The following INSL6 variants were observed in gnomAD, a reference collection of about 807,000 sequenced individuals.
The protein encoded by INSL6 is insulin-like peptide INSL6.
INSL6 carries 16 observed loss-of-function variants against 9.4 expected under a neutral mutation model. That is an observed-to-expected ratio of 1.70 (90% CI 1.15 to 2.59). The LOEUF is 2.59. Ranked by LOEUF, INSL6 falls within the 30% of genes most tolerant of loss-of-function variation. The pLI, the probability that INSL6 is intolerant of heterozygous loss-of-function variation, is 0.00. For missense variants in INSL6, 391 were observed against 257.3 expected (o/e 1.52, Z -3.56); for synonymous variants, 154 against 96.9 (o/e 1.59, Z -3.46).
the INSL6 span, chr9:5,073,625 G>A: frequency 9.2e-7 from 1 of 1,088,054 alleles, no homozygotes; most frequent in Admixed American, 1.8e-5. Flanking sequence ...CTTTATTATG[G>A]CAGAGAGAAT....
At chr9:5,104,526 T>C in the INSL6 span, among the ~76,000 whole-genome samples, 5 of 152,014 alleles carry the variant, frequency 3.3e-5, no homozygotes, top group Non-Finnish European at 7.4e-5. Context: ...TTCCAATCAA[T>C]GGAAAAAGAG....
the INSL6 span, among the ~76,000 whole-genome samples, chr9:5,056,052 C>T: frequency 6.6e-6 from 1 of 151,894 alleles, no homozygotes; most frequent in Non-Finnish European, 1.5e-5. Context: ...TTACTTTCTC[C>T]CCCATCCCTA....
At chr9:5,090,986 T>A in the INSL6 span, 2 of 1,114,768 alleles carry the variant, frequency 1.8e-6, no homozygotes, top group East Asian at 5.0e-5. Flanking sequence ...TTTAATAGTT[T>A]GCCATTTCTA....
At chr9:5,028,904 A>G in the INSL6 span, among the ~76,000 whole-genome samples, 1 of 152,160 alleles carries the variant, frequency 6.6e-6, no homozygotes, top group Non-Finnish European at 1.5e-5. Context: ...AGACCACTCA[A>G]ACTTTTGTCA....
downstream of INSL6, among the ~76,000 whole-genome samples, chr9:5,120,247 GCC>G (rs1187971727): frequency 6.6e-6 from 1 of 152,190 alleles, no homozygotes; most frequent in African/African-American, 2.4e-5. Flanking sequence ...TCTCATAAGG[GCC>G]TTAATCCTAT....
the INSL6 span, among the ~76,000 whole-genome samples, chr9:4,992,896 T>A: frequency 6.6e-6 from 1 of 152,186 alleles, no homozygotes; most frequent in Non-Finnish European, 1.5e-5. Context: ...TTCCTGGAAG[T>A]CATTCTTAAT....
chr9:5,050,544 T>G, the INSL6 span: 1 of 764,454 alleles, frequency 1.3e-6, no homozygotes, highest in Non-Finnish European at 2.0e-6. Context: ...GTTCTGGGAT[T>G]ACAGGCATGA....
intron 1 of INSL6, among the ~76,000 whole-genome samples, chr9:5,177,347 A>C (rs888333400): frequency 5.3e-5 from 8 of 152,194 alleles, no homozygotes; most frequent in Admixed American, 1.3e-4. Context: ...CCGGGAAATC[A>C]CATTTCTCCC....
At chr9:5,132,702 C>G (rs2130880305) in intron 3 of INSL6, 1 of 152,226 alleles carries the variant, frequency 6.6e-6, no homozygotes, top group East Asian at 1.9e-4. Flanking sequence ...AACTGATCTC[C>G]TAAGTATGTT....
downstream of INSL6, chr9:5,123,190 C>G: frequency 9.2e-7 from 1 of 1,082,058 alleles, no homozygotes; most frequent in Non-Finnish European, 1.4e-6. Context: ...TTATGGGGTA[C>G]AAGTACAATT....
chr9:5,069,134 G>C, the INSL6 span: 3 of 1,613,234 alleles, frequency 1.9e-6, no homozygotes, highest in Non-Finnish European at 2.5e-6. Context: ...CTTTTGAATT[G>C]TTACCAGATG....
downstream of INSL6, among the ~76,000 whole-genome samples, chr9:5,122,361 T>C (rs1169571306): frequency 6.6e-6 from 1 of 152,086 alleles, no homozygotes; most frequent in African/African-American, 2.4e-5. Context: ...TAGTCACCCC[T>C]CTTCTGGTTA....
At chr9:5,170,375 C>G (rs546467405) in intron 1 of INSL6, among the ~76,000 whole-genome samples, 1 of 152,006 alleles carries the variant, frequency 6.6e-6, no homozygotes, top group Non-Finnish European at 1.5e-5. Context: ...AACTTTATAG[C>G]GCTAAATGCC....
chr9:5,155,318 C>A (rs1199833555), intron 2 of INSL6, among the ~76,000 whole-genome samples: 1 of 124,042 alleles, frequency 8.1e-6, no homozygotes, highest in Non-Finnish European at 1.6e-5. Context: ...CACACTGGGG[C>A]CTGTTGCAGG....
chr9:5,089,765 C>G, the INSL6 span: 5 of 1,598,552 alleles, frequency 3.1e-6, no homozygotes, highest in Non-Finnish European at 4.3e-6. Flanking sequence ...CAGCATAGTA[C>G]TGAAGAGCAC....
intron 3 of INSL6, chr9:5,132,064 GGTT>G (rs1824303187): frequency 6.6e-6 from 1 of 152,056 alleles, no homozygotes; most frequent in East Asian, 1.9e-4. Context: ...TAGGAGTAAA[GGTT>G]GTTGTTGACA....
the INSL6 span, among the ~76,000 whole-genome samples, chr9:5,045,768 A>G: frequency 6.6e-6 from 1 of 152,174 alleles, no homozygotes; most frequent in Non-Finnish European, 1.5e-5. Flanking sequence ...TTAAGGCTGA[A>G]TAATATTCCA....
the INSL6 span, among the ~76,000 whole-genome samples, chr9:5,060,720 C>A: frequency 6.6e-6 from 1 of 152,200 alleles, no homozygotes; most frequent in Admixed American, 6.5e-5. Flanking sequence ...CTTCCAAATT[C>A]CTGATAATGT....
the INSL6 span, among the ~76,000 whole-genome samples, chr9:5,070,355 G>T: frequency 6.6e-6 from 1 of 151,902 alleles, no homozygotes; most frequent in Non-Finnish European, 1.5e-5. Context: ...AAGTTCTCAA[G>T]AAAGTAAGGG....
Sources: gnomAD v4.1 joint callset for allele counts (sites outside exome capture counted in the v4.1 genomes callset) on GRCh38, gnomAD v4.1.1 for gene constraint, MANE v1.5 for transcripts, NCBI Gene and HGNC (gene_info 2026-07-23, HGNC 2026-07-21) for gene names.